CDH17: variants seen among roughly 807,000 people sequenced by gnomAD.
CDH17 encodes cadherin 17, also known as cadherin-17.
In CDH17, 67 loss-of-function variants were observed where a neutral mutation model predicts 86.3. That is an observed-to-expected ratio of 0.78 (90% CI 0.64 to 0.95). The LOEUF is 0.95. Ranked by LOEUF, CDH17 falls within the 40% of genes least tolerant of loss-of-function variation. The probability of loss-of-function intolerance (pLI) is 0.00; values close to 1 mark genes in which losing one functional copy is unlikely to be tolerated. For synonymous variants in CDH17, 367 were observed against 366.4 expected (o/e 1.00, Z -0.02); for missense variants, 993 against 1,017.6 (o/e 0.98, Z 0.33).
At chr8:94,149,031 T>TACATTTA (rs143357517) in intron 13 of CDH17, among the ~76,000 whole-genome samples, 157 bp from the exon 14 acceptor site, 209 of 152,040 alleles carry the variant, frequency 1.4e-3, no homozygotes, top group Non-Finnish European at 1.6e-3. Context: ...CAGCATTACT[T>TACATTTA]GTATATTATT....
intron 15 of CDH17, among the ~76,000 whole-genome samples, chr8:94,132,172 T>A (rs1168324886): frequency 1.3e-5 from 2 of 152,232 alleles, no homozygotes; most frequent in African/African-American, 2.4e-5. Context: ...GCATGGTTTA[T>A]AATCCTTTGG....
At chr8:94,212,917 C>A (rs1234432812), upstream of CDH17, among the ~76,000 whole-genome samples, 1 of 152,226 alleles carries the variant, frequency 6.6e-6, no homozygotes, top group Non-Finnish European at 1.5e-5. Context: ...GTACATTGGA[C>A]AAATGCCTTC....
chr8:94,215,154 AG>A, intron 1 of CDH17, among the ~76,000 whole-genome samples: 1 of 152,338 alleles, frequency 6.6e-6, no homozygotes, highest in South Asian at 2.1e-4. Context: ...TATAGCCAAG[AG>A]AAATAAAAAC....
intron 1 of CDH17, among the ~76,000 whole-genome samples, chr8:94,195,362 A>G (rs893870380): frequency 6.6e-6 from 1 of 152,172 alleles, no homozygotes. Flanking sequence ...CAGGATAACT[A>G]AACATTTTGA....
intron 12 of CDH17, among the ~76,000 whole-genome samples, chr8:94,156,287 C>A (rs1812947844): frequency 6.6e-6 from 1 of 152,120 alleles, no homozygotes; most frequent in Admixed American, 6.5e-5. Flanking sequence ...TCAAAGTGTG[C>A]ACATTAGTTT....
chr8:94,165,073 T>C (rs1813127003), intron 10 of CDH17, among the ~76,000 whole-genome samples: 1 of 152,192 alleles, frequency 6.6e-6, no homozygotes, highest in African/African-American at 2.4e-5. Flanking sequence ...CCTTTCAGTC[T>C]GAAAGCAAGA....
intron 9 of CDH17, among the ~76,000 whole-genome samples, chr8:94,168,176 T>C (rs1331532805): frequency 8.2e-6 from 1 of 122,454 alleles, no homozygotes; most frequent in Non-Finnish European, 1.6e-5. Context: ...GTGTGTGAGA[T>C]GGAGTCTCAC....
intron 10 of CDH17, among the ~76,000 whole-genome samples, chr8:94,164,723 C>G (rs760561695): frequency 3.9e-5 from 6 of 152,308 alleles, no homozygotes; most frequent in Non-Finnish European, 7.4e-5. Flanking sequence ...AGAACAATTA[C>G]TGAATTATAT....
At chr8:94,138,432 A>G (rs1385260164) in intron 15 of CDH17, among the ~76,000 whole-genome samples, 1 of 152,244 alleles carries the variant, frequency 6.6e-6, no homozygotes, top group East Asian at 1.9e-4. Context: ...GCAAATATCC[A>G]GGTATCAGTT....
At chr8:94,133,078 T>C (rs971923472) in intron 15 of CDH17, among the ~76,000 whole-genome samples, 1 of 152,212 alleles carries the variant, frequency 6.6e-6, no homozygotes, top group African/African-American at 2.4e-5. Flanking sequence ...AGCCTTGTAG[T>C]ATAGTTTGAA....
At chr8:94,167,990 A>G (rs949584461) in intron 9 of CDH17, among the ~76,000 whole-genome samples, 3 of 150,526 alleles carry the variant, frequency 2.0e-5, no homozygotes, top group African/African-American at 7.4e-5. Context: ...GTATGAATAC[A>G]TAAGACTTGG....
chr8:94,139,259 A>T (rs1010689775), intron 15 of CDH17, among the ~76,000 whole-genome samples: 4 of 152,158 alleles, frequency 2.6e-5, no homozygotes, highest in Admixed American at 6.5e-5. Context: ...GCAGGAAAAA[A>T]CAGTAAACTT....
At position 94,189,299 on chromosome 8, in the gene CDH17, A is replaced by G; in HGVS notation, c.52-14T>C. 1 of 1,579,462 alleles carries G rather than the reference A, an allele frequency of 6.3e-7. No individual in the cohort carries two copies. ...ATATCCAGTTGCCTGTTAAAAAAGA[A>G]AGAGAAAATTAGCATCTTGTATGAA... On this transcript the variant is annotated splice_polypyrimidine_tract_variant and intron_variant, in intron 2 of 17. Transcript: ENST00000027335.
At chr8:94,144,684 T>A (rs888190958) in intron 15 of CDH17, among the ~76,000 whole-genome samples, 1 of 152,026 alleles carries the variant, frequency 6.6e-6, no homozygotes, top group African/African-American at 2.4e-5. Context: ...GATACCAAAA[T>A]TTTTAAATTT....
At chr8:94,203,228 CTTAT>C (rs974258975) in intron 1 of CDH17, among the ~76,000 whole-genome samples, 169 of 152,246 alleles carry the variant, frequency 1.1e-3, no homozygotes, top group Middle Eastern at 6.8e-3. Context: ...TCAGTCATCT[CTTAT>C]TTATTTATTT....
In CDH17 at chr8:94,148,832, G is replaced by A. The variant is rs200873247; in HGVS notation, c.1839C>T (p.Asp613=). 1.4e-5 allele frequency: 23 copies of A among 1,609,498 alleles called. No homozygotes were observed. The highest frequency in any genetic ancestry group is 2.2e-5 in the East Asian group (1 of 44,474). The change falls in exon 14 of 18, where the codon GAC becomes GAT. Residue 613 remains aspartate (D), a synonymous_variant. Coordinates refer to ENST00000027335, the MANE Select transcript of CDH17 (RefSeq NM_004063.4). ...CACTAAAGATCTCACCAGTCACGTG[G>A]TCAATTTTAAGCCAACCTCTTGTGT... The part of the protein sequence containing the change: ...RGDTRGWLKI[D]HVTGEIFSVA...
At chr8:94,176,514 T>A in intron 5 of CDH17, 27 bp downstream of exon 5, 1 of 1,611,934 alleles carries the variant, frequency 6.2e-7, no homozygotes, top group Non-Finnish European at 8.5e-7. Flanking sequence ...CATCTTTCCA[T>A]AAATATCTCT....
chr8:94,152,192 CT>C (rs1179824974), intron 12 of CDH17, 80 bp from the exon 13 acceptor site: 20 of 1,457,276 alleles, frequency 1.4e-5, no homozygotes, highest in Admixed American at 5.7e-5. Flanking sequence ...TTCTTAAACT[CT>C]CATATATTCG....
intron 12 of CDH17, among the ~76,000 whole-genome samples, chr8:94,156,281 A>G (rs1438301744): frequency 1.3e-5 from 2 of 152,228 alleles, no homozygotes; most frequent in Non-Finnish European, 1.5e-5. Flanking sequence ...ATGATATCAA[A>G]GTGTGCACAT....
Sources: allele counts gnomAD v4.1 joint callset (sites outside exome capture counted in the v4.1 genomes callset), GRCh38; gene constraint gnomAD v4.1.1; transcripts MANE v1.5; gene names NCBI Gene and HGNC (gene_info 2026-07-23, HGNC 2026-07-21).